Variants in UTRN observed in about 807,000 individuals in gnomAD.
UTRN encodes utrophin.
In UTRN, 283 loss-of-function variants were observed where a neutral mutation model predicts 463.9. That is an observed-to-expected ratio of 0.61 (90% CI 0.55 to 0.67). The LOEUF (loss-of-function observed/expected upper bound fraction) is 0.67. Among genes scored for constraint, UTRN ranks in the 30% least tolerant of loss-of-function variants. UTRN has a pLI of 0.00. For synonymous variants in UTRN, 1,442 were observed against 1,431.5 expected, an observed-to-expected ratio of 1.01 and a Z score of -0.17; for missense variants, 3,922 against 4,084.3, an observed-to-expected ratio of 0.96 and a Z score of 1.08.
At chr6:144,479,212 A>G (rs1006560856) in intron 25 of UTRN, among the ~76,000 whole-genome samples, 1 of 139,158 alleles carries the variant, frequency 7.2e-6, no homozygotes, top group African/African-American at 2.7e-5. Context: ...TCTGCCACCC[A>G]GGTTCAGGCA....
Position 144,754,725 on chromosome 6 carries a change from T to A in UTRN, c.8361T>A (p.Ser2787=). The A allele has an allele frequency of 6.2e-7, 1 of 1,613,526 alleles. No homozygotes were observed. The highest frequency in any genetic ancestry group is 8.5e-7 in the Non-Finnish European group (1 of 1,179,706). ...LNMRWKLLQV[S]VDDRLKQLQE... ...TTGCATGTGTATGTGTGCAGGTTTC[T>A]GTGGATGATCGCCTTAAACAGCTTC... The change falls in exon 57 of 75, where the codon TCT becomes TCA. Residue 2787 remains serine, a synonymous_variant. Transcript: ENST00000367545.
chr6:144,491,994 T>C (rs922925152), intron 32 of UTRN, among the ~76,000 whole-genome samples: 8 of 152,260 alleles, frequency 5.3e-5, no homozygotes, highest in Non-Finnish European at 8.8e-5. Context: ...ACGATTTCTT[T>C]TTTTATATTT....
chr6:144,482,244 A>T lies in UTRN; in HGVS notation c.3543A>T (p.Arg1181Ser). ...AGGATGTGTTGCAGAAGGAGGTGAG[A>T]GTGAAGATTCTCAAGGACAACATCA... ...AKEDVLQKEV[R>S]VKILKDNIKL... Residue 1181 changes from arginine (R) to serine (S), a missense_variant, in exon 27 of 75, where the codon AGA (arginine) becomes AGT (serine). By Grantham distance (110) the Arg-to-Ser change is moderately radical. Transcript: ENST00000367545. 6.3e-7 allele frequency: 1 copy of T among 1,584,658 alleles called. No homozygotes were observed. Among genetic ancestry groups the T allele is most frequent in the South Asian group, 1.2e-5 (1 of 84,932 alleles).
intron 46 of UTRN, among the ~76,000 whole-genome samples, chr6:144,545,207 T>G (rs1258298351): frequency 6.6e-6 from 1 of 152,240 alleles, no homozygotes; most frequent in Non-Finnish European, 1.5e-5. Context: ...CTATCTAGAT[T>G]ATTGGAATAT....
Position 144,514,802 on chromosome 6 carries a change from A to G in UTRN, c.5226A>G (p.Gln1742=). The G allele has an allele frequency of 6.2e-7, 1 of 1,613,440 alleles. No homozygotes were observed. Among genetic ancestry groups the G allele is most frequent in the Non-Finnish European group, 8.5e-7 (1 of 1,179,852 alleles). ...ELNRNFEKVS[Q]HIKSAKLLIA... The stretch of plus-strand genomic sequence containing the variant: ...ATAGGAACTTTGAAAAGGTGTCTCA[A>G]CATATCAAAAGTGCCAAAGTGAGTA... The change falls in exon 37 of 75, where the codon CAA becomes CAG. Residue 1742 remains glutamine, a synonymous_variant. Coordinates refer to ENST00000367545, the MANE Select transcript of UTRN (RefSeq NM_007124.3).
chr6:144,824,770 T>TGGGGG (rs199498962), intron 66 of UTRN, among the ~76,000 whole-genome samples: 2 of 114,660 alleles, frequency 1.7e-5, no homozygotes, highest in African/African-American at 7.2e-5. Flanking sequence ...GTGAAGTTGG[T>TGGGGG]GGTGGGGGGG....
intron 23 of UTRN, among the ~76,000 whole-genome samples, chr6:144,470,904 C>T (rs931853076): frequency 2.6e-5 from 4 of 151,592 alleles, no homozygotes; most frequent in Admixed American, 6.6e-5. Flanking sequence ...CGCGCACCTG[C>T]GATCCCAGGC....
chr6:144,364,254 T>C (rs1488853852), intron 2 of UTRN, among the ~76,000 whole-genome samples: 3 of 152,208 alleles, frequency 2.0e-5, no homozygotes, highest in African/African-American at 7.2e-5. Context: ...GTCTCCCTCT[T>C]GTTGGGTCTG....
Position 144,577,286 on chromosome 6 carries a change from C to A in UTRN, c.7477C>A (p.Gln2493Lys), listed in dbSNP as rs776606332. ...GGCCAGGGAACTCAAACAGCAGATGCAGGTAAGTGCATGGGAAACCACACC... is the reference window on the plus strand; with the variant it reads ...GGCCAGGGAACTCAAACAGCAGATGAAGGTAAGTGCATGGGAAACCACACC... ...ILARELKQQM[Q>K]DIQAEIDAHN... is the part of the protein sequence containing the mutation. Residue 2493 changes from glutamine to lysine, a missense_variant and splice_region_variant, in exon 51 of 75, where the codon CAG becomes AAG. Transcript: ENST00000367545. 6.2e-7 allele frequency: 1 copy of A among 1,613,460 alleles called. No individual in the cohort carries two copies. Among genetic ancestry groups the A allele is most frequent in the Non-Finnish European group, 8.5e-7 (1 of 1,179,706 alleles).
chr6:144,344,071 T>C, intron 2 of UTRN: 18 of 1,033,868 alleles, frequency 1.7e-5, no homozygotes, highest in Non-Finnish European at 2.2e-5. Context: ...GATCCTCTCA[T>C]GGGAAAAATA....
chr6:144,772,506 T>C (rs554925772), intron 59 of UTRN, among the ~76,000 whole-genome samples: 1 of 152,298 alleles, frequency 6.6e-6, no homozygotes, highest in East Asian at 1.9e-4. Context: ...CAAAAAGAGT[T>C]GATTTACAGG....
At chr6:144,383,945 TA>T (rs1781167650) in intron 2 of UTRN, among the ~76,000 whole-genome samples, 1 of 152,222 alleles carries the variant, frequency 6.6e-6, no homozygotes. Context: ...ATTTGTCTTA[TA>T]GGGGAATATA....
chr6:144,541,620 T>A (rs1008364944), intron 45 of UTRN, among the ~76,000 whole-genome samples: 1 of 152,204 alleles, frequency 6.6e-6, no homozygotes, highest in South Asian at 2.1e-4. Flanking sequence ...TAGGTTTTTA[T>A]TGGAGTCTCA....
At chr6:144,743,497 A>G (rs933617593) in intron 54 of UTRN, among the ~76,000 whole-genome samples, 8 of 152,200 alleles carry the variant, frequency 5.3e-5, no homozygotes, top group African/African-American at 1.9e-4. Flanking sequence ...ACATAATTGA[A>G]TTGAGGTAAA....
At position 144,577,125 on chromosome 6, in the gene UTRN, A is replaced by C; in HGVS notation, c.7316A>C (p.Glu2439Ala). 1.2e-6 allele frequency: 2 copies of C among 1,613,770 alleles called. No homozygotes were observed. Among genetic ancestry groups the C allele is most frequent in the Non-Finnish European group, 1.7e-6 (2 of 1,179,810 alleles). ...ATTGCTGACAGACAGAACGCCTTGG[A>C]GGCTGAGTGGAGGACGGTGCAGGCC... ...QSIADRQNALEAEWRTVQASR... is the reference protein window; with the variant it reads ...QSIADRQNALAAEWRTVQASR... Residue 2439 changes from glutamate to alanine, a missense_variant, in exon 51 of 75, where the codon GAG becomes GCG. Glu to Ala is a moderately radical substitution (Grantham distance 107). Transcript: ENST00000367545.
chr6:144,693,132 C>G (rs920560159), intron 52 of UTRN, among the ~76,000 whole-genome samples: 1 of 152,030 alleles, frequency 6.6e-6, no homozygotes, highest in Non-Finnish European at 1.5e-5. Context: ...TACCCAGCAA[C>G]GTTTATTGAA....
At chr6:144,433,366 AC>A (rs1427929139) in intron 9 of UTRN, among the ~76,000 whole-genome samples, 2 of 131,600 alleles carry the variant, frequency 1.5e-5, no homozygotes, top group Admixed American at 1.5e-4. Context: ...GCGGGGGCTG[AC>A]CCCCACCTCC....
At chr6:144,511,505 C>A (rs778172960) in intron 35 of UTRN, among the ~76,000 whole-genome samples, 1 of 152,120 alleles carries the variant, frequency 6.6e-6, no homozygotes, top group Admixed American at 6.5e-5. Flanking sequence ...TAGCATCTGA[C>A]GGCCTATGTA....
Position 144,520,883 on chromosome 6 carries a change from C to T in UTRN, c.5542-1097C>T, listed in dbSNP as rs367879205. On this transcript the variant is annotated intron_variant, in intron 39 of 74. Transcript: ENST00000367545. ...TGAGCAGCTGCAGTTTGGCCCTTTG[C>T]AAGTGGTAATACGTAGCACTTATTA... Among the ~76,000 whole-genome samples, 17 of 152,276 alleles carry T rather than the reference C, an allele frequency of 1.1e-4. No individual in the cohort carries two copies. The South Asian group carries it at 1.2e-3, about 11-fold the overall frequency.
Sources: gnomAD v4.1 joint callset for allele counts (sites outside exome capture counted in the v4.1 genomes callset) on GRCh38, gnomAD v4.1.1 for gene constraint, MANE v1.5 for transcripts, NCBI Gene and HGNC (gene_info 2026-07-23, HGNC 2026-07-21) for gene names.